The following B3GALT1 variants were observed in gnomAD, a reference collection of about 807,000 sequenced individuals.
The protein encoded by B3GALT1 is UDP-Gal:betaGlcNAc beta 1,3-galactosyltransferase, polypeptide 1.
Under a neutral mutation model 23.2 loss-of-function variants are expected in B3GALT1, and 10 were observed. That is an observed-to-expected ratio of 0.43 (90% CI 0.27 to 0.73). The LOEUF (loss-of-function observed/expected upper bound fraction) is 0.73, where lower values mean the gene tolerates loss of function less well. Ranked by LOEUF, B3GALT1 falls within the 30% of genes least tolerant of loss-of-function variation. The pLI is 0.21. For missense variants in B3GALT1, 299 were observed against 405.4 expected (o/e 0.74, Z 2.25); for synonymous variants, 156 against 141.5 (o/e 1.10, Z -0.73).
intron 1 of B3GALT1, among the ~76,000 whole-genome samples, chr2:167,435,078 T>A: frequency 6.7e-6 from 1 of 149,222 alleles, no homozygotes; most frequent in South Asian, 2.1e-4. Context: ...ATTATTAAAC[T>A]GATTTTTTCA....
chr2:167,587,798 G>C (rs1349722683), intron 2 of B3GALT1, among the ~76,000 whole-genome samples: 5 of 152,098 alleles, frequency 3.3e-5, no homozygotes, highest in African/African-American at 4.8e-5. Context: ...TATTCTGTTT[G>C]CAAATTCTTC....
At chr2:167,570,997 A>G (rs1478549047) in intron 2 of B3GALT1, among the ~76,000 whole-genome samples, 1 of 151,950 alleles carries the variant, frequency 6.6e-6, no homozygotes, top group African/African-American at 2.4e-5. Flanking sequence ...CATCCTCCAC[A>G]ATAATTTTCT....
chr2:167,593,101 C>T (rs1476135524), intron 2 of B3GALT1, among the ~76,000 whole-genome samples: 1 of 152,184 alleles, frequency 6.6e-6, no homozygotes, highest in Non-Finnish European at 1.5e-5. Flanking sequence ...ACCATACACT[C>T]TAGCATTTCC....
chr2:167,609,981 AAAG>A (rs1367860810), intron 2 of B3GALT1, among the ~76,000 whole-genome samples: 2 of 152,152 alleles, frequency 1.3e-5, no homozygotes, highest in Non-Finnish European at 2.9e-5. Flanking sequence ...AGTTAGAAGA[AAAG>A]AACAAATCAA....
At chr2:167,548,675 C>CGTGTGTGTGAGTGTGTGTGTGT (rs1683685470) in intron 2 of B3GALT1, among the ~76,000 whole-genome samples, 2 of 99,844 alleles carry the variant, frequency 2.0e-5, no homozygotes, top group Admixed American at 2.2e-4. Flanking sequence ...CCTGTCCAGA[C>CGTGTGTGTGAGTGTGTGTGTGT]GTGTGTGTGA....
At chr2:167,489,248 G>A (rs1031008031) in intron 1 of B3GALT1, among the ~76,000 whole-genome samples, 1 of 152,112 alleles carries the variant, frequency 6.6e-6, no homozygotes, top group Non-Finnish European at 1.5e-5. Flanking sequence ...CACCATTGGC[G>A]TCCTTTTTCC....
chr2:167,521,999 TATATATACAC>T (rs1156387437), intron 2 of B3GALT1, among the ~76,000 whole-genome samples: 1 of 146,536 alleles, frequency 6.8e-6, no homozygotes, highest in African/African-American at 2.5e-5. Context: ...TATATATATA[TATATATACAC>T]ATATATATAT....
intron 2 of B3GALT1, among the ~76,000 whole-genome samples, chr2:167,616,003 A>G (rs1346589073): frequency 6.6e-6 from 1 of 152,120 alleles, no homozygotes; most frequent in Non-Finnish European, 1.5e-5. Flanking sequence ...CTCAACATTT[A>G]TGAGTTATTC....
chr2:167,726,392 A>G (rs976594593), intron 3 of B3GALT1, among the ~76,000 whole-genome samples: 1 of 152,188 alleles, frequency 6.6e-6, no homozygotes, highest in African/African-American at 2.4e-5. Flanking sequence ...TTGTCCAGGC[A>G]TATTGCCCTG....
intron 3 of B3GALT1, among the ~76,000 whole-genome samples, chr2:167,748,163 G>A (rs1160855575): frequency 6.6e-6 from 1 of 152,106 alleles, no homozygotes; most frequent in African/African-American, 2.4e-5. Flanking sequence ...TCTCTGGAAA[G>A]CACAGATGAA....
intron 1 of B3GALT1, among the ~76,000 whole-genome samples, chr2:167,323,266 A>G (rs1484782598): frequency 5.9e-5 from 9 of 152,078 alleles, no homozygotes; most frequent in Admixed American, 3.9e-4. Context: ...ACGATGTGGC[A>G]TGCATATTGG....
intron 2 of B3GALT1, among the ~76,000 whole-genome samples, chr2:167,599,355 T>C (rs1187645849): frequency 6.6e-6 from 1 of 152,214 alleles, no homozygotes; most frequent in East Asian, 1.9e-4. Flanking sequence ...GATTCCACTT[T>C]ATGAAGATAA....
intron 2 of B3GALT1, among the ~76,000 whole-genome samples, chr2:167,494,958 G>A (rs1699761085): frequency 6.6e-6 from 1 of 152,172 alleles, no homozygotes; most frequent in Non-Finnish European, 1.5e-5. Context: ...AGGGAAAGAT[G>A]ACAACCACTG....
At chr2:167,783,869 C>T (rs1688291347) in intron 3 of B3GALT1, among the ~76,000 whole-genome samples, 1 of 152,164 alleles carries the variant, frequency 6.6e-6, no homozygotes, top group African/African-American at 2.4e-5. Flanking sequence ...GATTTGAAAG[C>T]CATTTTTCCA....
intron 1 of B3GALT1, among the ~76,000 whole-genome samples, chr2:167,385,754 A>C (rs77907326): frequency 0.018 from 2,664 of 152,200 alleles, 84 homozygotes; most frequent in African/African-American, 0.061. Flanking sequence ...AAAATTGCTG[A>C]CTTGGTGGAC....
intron 3 of B3GALT1, among the ~76,000 whole-genome samples, chr2:167,769,856 A>G (rs558847647): frequency 1.5e-4 from 23 of 152,240 alleles, no homozygotes; most frequent in Non-Finnish European, 3.2e-4. Flanking sequence ...ATATAGGAAC[A>G]ATATATTCAA....
At chr2:167,618,084 A>T (rs1316307822) in intron 2 of B3GALT1, among the ~76,000 whole-genome samples, 1 of 152,034 alleles carries the variant, frequency 6.6e-6, no homozygotes, top group Non-Finnish European at 1.5e-5. Context: ...AACAGGAGCG[A>T]AGGTAGAAAA....
intron 3 of B3GALT1, among the ~76,000 whole-genome samples, chr2:167,728,027 A>G (rs751709302): frequency 1.3e-5 from 2 of 152,130 alleles, no homozygotes; most frequent in Non-Finnish European, 2.9e-5. Flanking sequence ...TATTTCTAGT[A>G]CCTTTAATCG....
intron 2 of B3GALT1, among the ~76,000 whole-genome samples, chr2:167,583,580 A>G (rs972994159): frequency 5.9e-5 from 9 of 152,174 alleles, no homozygotes; most frequent in Non-Finnish European, 1.2e-4. Context: ...TCTCAGACTA[A>G]TATGCATTTC....
Sources: allele counts gnomAD v4.1 joint callset (sites outside exome capture counted in the v4.1 genomes callset), GRCh38; gene constraint gnomAD v4.1.1; transcripts MANE v1.5; gene names NCBI Gene and HGNC (gene_info 2026-07-23, HGNC 2026-07-21).